Variants in TTC7B observed in about 807,000 individuals in gnomAD.
The protein encoded by TTC7B is tetratricopeptide repeat domain 7B.
In TTC7B, 28 loss-of-function variants were observed where a neutral mutation model predicts 106.8. That is an observed-to-expected ratio of 0.26 (90% CI 0.19 to 0.36). The LOEUF is 0.36. TTC7B is among the 10% of genes least tolerant of loss of function. The probability of loss-of-function intolerance (pLI) is 1.00; values close to 1 mark genes in which losing one functional copy is unlikely to be tolerated. For missense variants in TTC7B, 862 were observed against 1,076.4 expected (o/e 0.80, Z 2.79); for synonymous variants, 405 against 430.6 (o/e 0.94, Z 0.74).
rs1271587847 is a variant in TTC7B at position 90,570,545 on chromosome 14, C to G, written c.2310+7561G>C. The stretch of plus-strand genomic sequence containing the variant: ...GCCCTGGCTCTGCAGAAACAGGCAG[C>G]AAGTCACACTCAAAAGCGAAGCATC... On this transcript the variant is annotated intron_variant, in intron 19 of 19. Coordinates refer to ENST00000328459, the MANE Select transcript of TTC7B (RefSeq NM_001010854.2). The surrounding 1 kb of genome is among the most constrained non-coding windows in gnomAD (Gnocchi z 4.0). Among the ~76,000 whole-genome samples, 1 of 152,176 alleles carries G rather than the reference C, an allele frequency of 6.6e-6. No individual in the cohort carries two copies. The highest frequency in any genetic ancestry group is 2.4e-5 in the African/African-American group (1 of 41,436).
At position 90,680,541 on chromosome 14, in the gene TTC7B, G is replaced by T. The variant is rs1324021055; in HGVS notation, c.951-6C>A. ...TTTCTTGAGGACAAAAAATGCTGCA[G>T]TTGAAAGAAAACTGACTTTGATATA... is the stretch of plus-strand genomic sequence containing the variant. On this transcript the variant is annotated splice_polypyrimidine_tract_variant and splice_region_variant and intron_variant, in intron 7 of 19. Transcript: ENST00000328459. 1.9e-6 allele frequency: 3 copies of T among 1,613,014 alleles called. No homozygotes were observed. The highest frequency in any genetic ancestry group is 2.5e-6 in the Non-Finnish European group (3 of 1,179,242).
chr14:90,579,024 G>A lies in TTC7B; in HGVS notation c.2108-716C>T, dbSNP rs541294246. ...CCTCCATGTGGAGCCAAACCCCTCTGCAGCCCTGGCCTCCCTGAAGAGCCC... is the reference window on the plus strand; with the variant it reads ...CCTCCATGTGGAGCCAAACCCCTCTACAGCCCTGGCCTCCCTGAAGAGCCC... On this transcript the variant is annotated intron_variant, in intron 18 of 19. Coordinates refer to ENST00000328459, the MANE Select transcript of TTC7B (RefSeq NM_001010854.2). 3.9e-5 allele frequency among the ~76,000 whole-genome samples: 6 copies of A among 152,332 alleles called. No individual in the cohort carries two copies. In the Middle Eastern group the frequency reaches 0.01, roughly 259 times the overall value.
chr14:90,582,709 C>T (rs1485682242), intron 18 of TTC7B, among the ~76,000 whole-genome samples: 3 of 152,190 alleles, frequency 2.0e-5, no homozygotes, highest in Non-Finnish European at 4.4e-5. Context: ...CTCTATTTTG[C>T]CAGGTCAGAG....
rs1002873481 is a variant in TTC7B, at chr14:90,608,860, G to A, written c.1966+1882C>T. Among the ~76,000 whole-genome samples, 1 of 152,212 alleles carries A rather than the reference G, an allele frequency of 6.6e-6. No homozygotes were observed. Among genetic ancestry groups the A allele is most frequent in the African/African-American group, 2.4e-5 (1 of 41,448 alleles). Reference sequence around the variant, plus strand: ...TCTTGGGACCTCCAGGGAAATTAAGGTCCAGGCCAGCTGGAAGGAAAGGGG... The same window carrying A: ...TCTTGGGACCTCCAGGGAAATTAAGATCCAGGCCAGCTGGAAGGAAAGGGG... On this transcript the variant is annotated intron_variant, in intron 17 of 19. Coordinates refer to ENST00000328459, the MANE Select transcript of TTC7B (RefSeq NM_001010854.2). This position sits in a 1 kb window ranked among gnomAD's most constrained non-coding sequence, Gnocchi z 5.1.
At chr14:90,743,139 G>C (rs1431877838) in intron 4 of TTC7B, among the ~76,000 whole-genome samples, 1 of 152,138 alleles carries the variant, frequency 6.6e-6, no homozygotes, top group Admixed American at 6.5e-5. Flanking sequence ...TCTTCTCATA[G>C]CAACCTTCTG....
At position 90,529,281 on chromosome 14, in the gene TTC7B, C is replaced by A; in HGVS notation, c.*12087G>T. The A allele has an allele frequency of 6.5e-6, 1 of 152,744 alleles. No individual in the cohort carries two copies. Among genetic ancestry groups the A allele is most frequent in the Admixed American group, 6.5e-5 (1 of 15,304 alleles). 9.5% of individuals were successfully genotyped at this position (152,744 alleles called of 1,614,324 possible). ...CAAGGTGAGCTTGTCAGGGAGAGGCCGTAGCCCTCACCACCGCTAATGACT... is the reference window on the plus strand; with the variant it reads ...CAAGGTGAGCTTGTCAGGGAGAGGCAGTAGCCCTCACCACCGCTAATGACT... On this transcript the variant is annotated 3_prime_UTR_variant, in exon 20 of 20. Coordinates refer to ENST00000328459, the MANE Select transcript of TTC7B (RefSeq NM_001010854.2).
chr14:90,627,368 C>A (rs1051909010), intron 15 of TTC7B, among the ~76,000 whole-genome samples: 2 of 152,230 alleles, frequency 1.3e-5, no homozygotes, highest in African/African-American at 4.8e-5. Context: ...ACTCACAGGG[C>A]GTTCCTGCCA....
At chr14:90,610,603 A>C (rs2139841309) in intron 17 of TTC7B, 139 bp downstream of exon 17, 2 of 665,754 alleles carry the variant, frequency 3.0e-6, no homozygotes, top group Non-Finnish European at 5.5e-6. Context: ...GGAGCAATGC[A>C]CCTCGGTTGA....
At chr14:90,708,405 G>A (rs921880922) in intron 5 of TTC7B, among the ~76,000 whole-genome samples, 6 of 152,188 alleles carry the variant, frequency 3.9e-5, no homozygotes, top group African/African-American at 1.2e-4. Flanking sequence ...AATGCAACTG[G>A]TGACTTTGAG....
intron 13 of TTC7B, among the ~76,000 whole-genome samples, chr14:90,650,818 T>C (rs190150592): frequency 9.2e-5 from 14 of 152,288 alleles, no homozygotes; most frequent in Admixed American, 3.9e-4. Flanking sequence ...GGCAAATGAA[T>C]TGGTTCAGCT....
chr14:90,739,767 A>G (rs1368084687), intron 4 of TTC7B, among the ~76,000 whole-genome samples: 1 of 152,246 alleles, frequency 6.6e-6, no homozygotes, highest in Non-Finnish European at 1.5e-5. Context: ...CTCCTGCTCA[A>G]GAGAGCCATA....
chr14:90,667,035 C>T (rs1886438451), intron 9 of TTC7B, among the ~76,000 whole-genome samples: 1 of 152,222 alleles, frequency 6.6e-6, no homozygotes, highest in Non-Finnish European at 1.5e-5. Flanking sequence ...CATTCCATTC[C>T]TCCTGTCTCC....
intron 5 of TTC7B, among the ~76,000 whole-genome samples, chr14:90,721,115 G>A (rs1888878151): frequency 6.6e-6 from 1 of 151,996 alleles, no homozygotes; most frequent in African/African-American, 2.4e-5. Context: ...AACCATGCAG[G>A]GAGGGGCCTT....
At chr14:90,643,268 T>C (rs1885264775) in intron 15 of TTC7B, among the ~76,000 whole-genome samples, 1 of 151,684 alleles carries the variant, frequency 6.6e-6, no homozygotes, top group Middle Eastern at 3.2e-3. Context: ...ATTAGCTGGG[T>C]GTGGTGGCAG....
chr14:90,536,507 C>T lies in TTC7B; in HGVS notation c.*4861G>A, dbSNP rs1324071215. On this transcript the variant is annotated 3_prime_UTR_variant, in exon 20 of 20. Transcript: ENST00000328459. ...GACTCCTGCCTTCTCCTCTCCTCCC[C>T]AACCTATTCTTCCTGTTTCCTGGCC... The T allele has an allele frequency of 1.3e-5, 2 of 152,582 alleles. No homozygotes were observed. The allele number at this position is 152,582 out of a possible 1,614,324, so 9.5% of individuals were successfully genotyped here. A position where few individuals can be genotyped will look rare whatever the true frequency, so the allele number is the denominator to read the frequency against.
intron 9 of TTC7B, among the ~76,000 whole-genome samples, chr14:90,673,657 C>T (rs1421178514): frequency 6.6e-6 from 1 of 152,198 alleles, no homozygotes; most frequent in East Asian, 1.9e-4. Context: ...CACAACAACA[C>T]TGTTCATAGT....
chr14:90,660,823 A>G (rs1482519744), intron 9 of TTC7B, among the ~76,000 whole-genome samples: 1 of 152,270 alleles, frequency 6.6e-6, no homozygotes, highest in Admixed American at 6.5e-5. Context: ...TGACAAAAAC[A>G]TATTCTATTT....
chr14:90,736,573 GA>G (rs1566862952), intron 4 of TTC7B, among the ~76,000 whole-genome samples: 1 of 149,508 alleles, frequency 6.7e-6, no homozygotes, highest in African/African-American at 2.5e-5. Context: ...CTCCGTCTCA[GA>G]AAAAAAAGGG....
intron 19 of TTC7B, among the ~76,000 whole-genome samples, chr14:90,545,222 C>T (rs1044721079): frequency 3.9e-5 from 6 of 152,136 alleles, no homozygotes; most frequent in Non-Finnish European, 7.3e-5. Context: ...AGGCAAGCCC[C>T]GGGCCAGCAG....
Sources: allele counts gnomAD v4.1 joint callset (sites outside exome capture counted in the v4.1 genomes callset), GRCh38; gene constraint gnomAD v4.1.1; non-coding constraint Gnocchi (gnomAD v3.1); transcripts MANE v1.5; gene names NCBI Gene and HGNC (gene_info 2026-07-23, HGNC 2026-07-21).